Variants in PPP1R9A observed in about 807,000 individuals in gnomAD.
PPP1R9A encodes the protein neurabin-1.
PPP1R9A carries 59 observed loss-of-function variants against 141.9 expected under a neutral mutation model. The observed-to-expected ratio is 0.42, with a 90% CI of 0.34 to 0.52. The LOEUF (loss-of-function observed/expected upper bound fraction) is 0.52. PPP1R9A is among the 20% of genes least tolerant of loss of function. PPP1R9A has a pLI of 0.10. For synonymous variants in PPP1R9A, 500 were observed against 569.7 expected (o/e 0.88, Z 1.74); for missense variants, 1,444 against 1,611.9 (o/e 0.90, Z 1.78).
intron 2 of PPP1R9A, among the ~76,000 whole-genome samples, chr7:94,960,745 A>G (rs1313964006): frequency 6.6e-6 from 1 of 151,672 alleles, no homozygotes; most frequent in Non-Finnish European, 1.5e-5. Flanking sequence ...CAAAATTTGA[A>G]TCTAGATGTG....
chr7:95,083,214 A>C (rs1384340832), intron 2 of PPP1R9A, among the ~76,000 whole-genome samples: 1 of 151,980 alleles, frequency 6.6e-6, no homozygotes, highest in Non-Finnish European at 1.5e-5. Context: ...GTGTATTTTT[A>C]TGGACAGTCA....
chr7:95,263,542 C>T (rs1800764516), intron 12 of PPP1R9A, among the ~76,000 whole-genome samples: 1 of 151,960 alleles, frequency 6.6e-6, no homozygotes, highest in Non-Finnish European at 1.5e-5. Flanking sequence ...AAGTGATTCA[C>T]CTGCCTGAGT....
chr7:94,919,600 T>A (rs1792532979), intron 2 of PPP1R9A, among the ~76,000 whole-genome samples: 1 of 152,180 alleles, frequency 6.6e-6, no homozygotes, highest in Non-Finnish European at 1.5e-5. Flanking sequence ...CTTATTCTTT[T>A]ACTTTGATTG....
intron 2 of PPP1R9A, among the ~76,000 whole-genome samples, chr7:95,040,718 CTAGGCACTT>C (rs1293470363): frequency 1.3e-5 from 2 of 152,148 alleles, no homozygotes; most frequent in African/African-American, 4.8e-5. Flanking sequence ...CTAGATTTCA[CTAGGCACTT>C]TTCATTCTCT....
intron 5 of PPP1R9A, among the ~76,000 whole-genome samples, chr7:95,193,344 G>T (rs781214290): frequency 5.3e-5 from 8 of 151,902 alleles, no homozygotes; most frequent in Admixed American, 2.0e-4. Flanking sequence ...TGTCTTATGC[G>T]CAATTATAAA....
At chr7:95,130,587 C>A (rs1327254393) in intron 4 of PPP1R9A, among the ~76,000 whole-genome samples, 6 of 152,098 alleles carry the variant, frequency 3.9e-5, no homozygotes, top group African/African-American at 1.2e-4. Flanking sequence ...CAGATGGGTA[C>A]ATCCACTGAC....
chr7:95,129,702 A>G lies in PPP1R9A; in HGVS notation c.1649+8870A>G, dbSNP rs187862591. Among the ~76,000 whole-genome samples the G allele has an allele frequency of 2.6e-3, 400 of 152,332 alleles. 12 individuals carry two copies. Among genetic ancestry groups the G allele is most frequent in the Admixed American group, 0.023 (355 of 15,306 alleles). The stretch of plus-strand genomic sequence containing the variant: ...CTTTGACCAAAATGCTGATAGTGAT[A>G]TGAACAATAAGGTCCAGGCTGAGGT... On this transcript the variant is annotated intron_variant, in intron 4 of 19. Coordinates refer to ENST00000433360, the MANE Select transcript of PPP1R9A (RefSeq NM_001166160.2).
intron 5 of PPP1R9A, among the ~76,000 whole-genome samples, chr7:95,168,892 TG>T (rs1278022598): frequency 6.6e-6 from 1 of 152,096 alleles, no homozygotes; most frequent in Non-Finnish European, 1.5e-5. Flanking sequence ...TAACAGACGC[TG>T]ACAAGGATGT....
At chr7:95,033,105 C>T (rs193286391) in intron 2 of PPP1R9A, among the ~76,000 whole-genome samples, 40 of 151,532 alleles carry the variant, frequency 2.6e-4, no homozygotes, top group Admixed American at 1.8e-3. Context: ...CCTGGATTCA[C>T]GCCATTCTCT....
At position 95,161,309 on chromosome 7, in the gene PPP1R9A, A is replaced by G. The variant is rs114059231; in HGVS notation, c.1650-558A>G. Reference sequence around the variant, plus strand: ...GAGCATTGTTTTATGTTTGTTGGTCATTTGTATGTCTTCTTTTGGGAAATG... The same window carrying G: ...GAGCATTGTTTTATGTTTGTTGGTCGTTTGTATGTCTTCTTTTGGGAAATG... On this transcript the variant is annotated intron_variant, in intron 4 of 19. Coordinates refer to ENST00000433360, the MANE Select transcript of PPP1R9A (RefSeq NM_001166160.2). Among the ~76,000 whole-genome samples the G allele has an allele frequency of 2.6e-3, 400 of 152,016 alleles. 2 individuals carry two copies. The highest frequency in any genetic ancestry group is 9.0e-3 in the African/African-American group (373 of 41,476).
intron 2 of PPP1R9A, among the ~76,000 whole-genome samples, chr7:95,066,140 A>G (rs73427064): frequency 0.024 from 3,685 of 152,282 alleles, 164 homozygotes; most frequent in African/African-American, 0.084. Context: ...CTGTCATACA[A>G]TCTGACTGGT....
At chr7:94,993,933 C>T (rs1801830093) in intron 2 of PPP1R9A, among the ~76,000 whole-genome samples, 1 of 152,260 alleles carries the variant, frequency 6.6e-6, no homozygotes, top group Admixed American at 6.5e-5. Context: ...TTGTCATATT[C>T]CTGATTGTAG....
chr7:95,288,476 C>A, intron 18 of PPP1R9A, 60 bp from the exon 19 acceptor site: 1 of 1,560,128 alleles, frequency 6.4e-7, no homozygotes, highest in African/African-American at 1.4e-5. Context: ...CTTTTGATAG[C>A]ATAATATGAG....
chr7:95,134,467 A>G (rs1825264451), intron 4 of PPP1R9A, among the ~76,000 whole-genome samples: 1 of 151,772 alleles, frequency 6.6e-6, no homozygotes, highest in South Asian at 2.1e-4. Context: ...ACATGTATTC[A>G]CTCTTGTTGC....
intron 16 of PPP1R9A, among the ~76,000 whole-genome samples, chr7:95,280,497 T>C (rs796756617): frequency 2.6e-5 from 4 of 152,334 alleles, no homozygotes; most frequent in African/African-American, 9.6e-5. Flanking sequence ...AAGATATATG[T>C]AAATGAGTTC....
rs532540308 is a variant in PPP1R9A at position 95,083,608 on chromosome 7, A to T, written c.1396-27651A>T. 3.3e-5 allele frequency among the ~76,000 whole-genome samples: 5 copies of T among 152,052 alleles called. No individual in the cohort carries two copies. The East Asian group carries it at 7.7e-4, about 24-fold the overall frequency. ...AAACATAGTGGTTCCAGGTGGTTCC[A>T]GGTCGTTCCAGCTTAGCTAACTGCT... On this transcript the variant is annotated intron_variant, in intron 2 of 19. Transcript: ENST00000433360.
chr7:95,216,218 AG>A (rs1793380184), intron 7 of PPP1R9A, among the ~76,000 whole-genome samples: 1 of 152,202 alleles, frequency 6.6e-6, no homozygotes, highest in Non-Finnish European at 1.5e-5. Flanking sequence ...TTTATTAAAT[AG>A]GGAATCCTTT....
At chr7:94,937,895 T>C (rs571211201) in intron 2 of PPP1R9A, among the ~76,000 whole-genome samples, 12 of 152,320 alleles carry the variant, frequency 7.9e-5, no homozygotes, top group Non-Finnish European at 1.6e-4. Flanking sequence ...AGGTCTTGAA[T>C]GTGAAATGTT....
intron 6 of PPP1R9A, among the ~76,000 whole-genome samples, chr7:95,202,014 G>A (rs867747846): frequency 6.6e-6 from 1 of 152,154 alleles, no homozygotes; most frequent in Non-Finnish European, 1.5e-5. Flanking sequence ...TTGACAGAGG[G>A]TATTTGCTTG....
Sources: gnomAD v4.1 joint callset for allele counts (sites outside exome capture counted in the v4.1 genomes callset) on GRCh38, gnomAD v4.1.1 for gene constraint, MANE v1.5 for transcripts, NCBI Gene and HGNC (gene_info 2026-07-23, HGNC 2026-07-21) for gene names.